The following PCDH15 variants were observed in gnomAD, a reference collection of about 807,000 sequenced individuals.
PCDH15 encodes the protein protocadherin-15.
PCDH15 carries 129 observed loss-of-function variants against 178.5 expected under a neutral mutation model. That is an observed-to-expected ratio of 0.72 (90% CI 0.63 to 0.84). PCDH15 has a LOEUF of 0.84. Ranked by LOEUF, PCDH15 falls within the 40% of genes least tolerant of loss-of-function variation. The pLI, the probability that PCDH15 is intolerant of heterozygous loss-of-function variation, is 0.00. For synonymous variants in PCDH15, 800 were observed against 732.0 expected (o/e 1.09, Z -1.50); for missense variants, 2,230 against 2,099.9 (o/e 1.06, Z -1.21).
chr10:54,815,850 C>T (rs1952940780), intron 3 of PCDH15, among the ~76,000 whole-genome samples: 1 of 152,038 alleles, frequency 6.6e-6, no homozygotes, highest in Non-Finnish European at 1.5e-5. Context: ...TGTATTTTTT[C>T]TCCCTTATTA....
chr10:54,717,235 G>A (rs1048464186), intron 1 of PCDH15, among the ~76,000 whole-genome samples: 2 of 122,262 alleles, frequency 1.6e-5, no homozygotes, highest in African/African-American at 6.5e-5. Flanking sequence ...AAAAGCAATG[G>A]CAACAAAAGA....
At chr10:54,065,996 TG>T (rs1405397726) in intron 18 of PCDH15, among the ~76,000 whole-genome samples, 1 of 152,182 alleles carries the variant, frequency 6.6e-6, no homozygotes, top group Non-Finnish European at 1.5e-5. Context: ...AGTAGGACCC[TG>T]AACTCTGGGT....
intron 9 of PCDH15, among the ~76,000 whole-genome samples, chr10:54,219,725 TA>T (rs1161540297): frequency 2.7e-5 from 4 of 150,150 alleles, no homozygotes; most frequent in Non-Finnish European, 4.4e-5. Context: ...GAAAAGAAAC[TA>T]AAAAACAAAA....
At chr10:55,619,942 A>T (rs569777416) in intron 2 of PCDH15, among the ~76,000 whole-genome samples, 1 of 152,208 alleles carries the variant, frequency 6.6e-6, no homozygotes, top group East Asian at 1.9e-4. Flanking sequence ...CTAAGACTTA[A>T]TTCCCAAACC....
chr10:54,986,766 C>T (rs1299247406), intron 2 of PCDH15, among the ~76,000 whole-genome samples: 1 of 152,072 alleles, frequency 6.6e-6, no homozygotes, highest in Non-Finnish European at 1.5e-5. Context: ...CTGTGTAATG[C>T]ATCATATTTT....
chr10:53,924,465 C>G (rs150410601), intron 25 of PCDH15, among the ~76,000 whole-genome samples: 2 of 152,184 alleles, frequency 1.3e-5, no homozygotes, highest in Non-Finnish European at 1.5e-5. Flanking sequence ...AGTGTCCCCC[C>G]GCCGTGGGCT....
At chr10:54,871,350 C>T (rs1954036730) in intron 3 of PCDH15, among the ~76,000 whole-genome samples, 1 of 149,716 alleles carries the variant, frequency 6.7e-6, no homozygotes, top group African/African-American at 2.5e-5. Flanking sequence ...ATGAGGTTCT[C>T]ATATATTATG....
chr10:54,979,994 T>C (rs928934077), intron 2 of PCDH15, among the ~76,000 whole-genome samples: 10 of 152,188 alleles, frequency 6.6e-5, no homozygotes, highest in African/African-American at 2.4e-4. Flanking sequence ...TTTTGTAGTA[T>C]ATTTAACATT....
At chr10:54,882,986 G>C (rs544600743) in intron 3 of PCDH15, among the ~76,000 whole-genome samples, 39 of 152,044 alleles carry the variant, frequency 2.6e-4, no homozygotes, top group South Asian at 6.2e-4. Flanking sequence ...TTGTAATCTA[G>C]CTCAATTAGA....
chr10:53,855,384 TA>T (rs2078655505), intron 28 of PCDH15, among the ~76,000 whole-genome samples: 1 of 152,072 alleles, frequency 6.6e-6, no homozygotes, highest in Admixed American at 6.6e-5. Context: ...AATCAGCTAT[TA>T]TTTTGAAAAG....
chr10:54,975,442 T>C (rs1037726303), intron 2 of PCDH15, among the ~76,000 whole-genome samples: 3 of 152,172 alleles, frequency 2.0e-5, no homozygotes, highest in Admixed American at 1.3e-4. Context: ...CATATTGTTG[T>C]TAGTGTTTTG....
intron 9 of PCDH15, among the ~76,000 whole-genome samples, chr10:54,222,224 A>G (rs1054770051): frequency 1.3e-5 from 2 of 152,188 alleles, no homozygotes; most frequent in Non-Finnish European, 2.9e-5. Flanking sequence ...TTTTATTAAG[A>G]ATTTTTGGGC....
chr10:54,999,611 C>A (rs1445979162), intron 2 of PCDH15, among the ~76,000 whole-genome samples: 1 of 152,122 alleles, frequency 6.6e-6, no homozygotes, highest in Non-Finnish European at 1.5e-5. Flanking sequence ...GTGCTGCGTG[C>A]TTCAGAGATG....
intron 3 of PCDH15, among the ~76,000 whole-genome samples, chr10:54,513,913 G>T (rs1041283426): frequency 6.6e-6 from 1 of 152,176 alleles, no homozygotes; most frequent in African/African-American, 2.4e-5. Flanking sequence ...TCTCTATTCT[G>T]AGATAAAAGG....
intron 16 of PCDH15, among the ~76,000 whole-genome samples, chr10:54,085,803 A>AT (rs1242310286): frequency 2.6e-5 from 4 of 152,150 alleles, no homozygotes; most frequent in Non-Finnish European, 5.9e-5. Context: ...ATTACTACTA[A>AT]TTTTTTAAAA....
intron 1 of PCDH15, among the ~76,000 whole-genome samples, chr10:55,310,836 G>A (rs1209380319): frequency 6.6e-6 from 1 of 151,952 alleles, no homozygotes; most frequent in Non-Finnish European, 1.5e-5. Context: ...AGAACACATG[G>A]ACACAGGGAA....
At chr10:53,966,324 T>C (rs962103194) in intron 21 of PCDH15, among the ~76,000 whole-genome samples, 2 of 152,182 alleles carry the variant, frequency 1.3e-5, no homozygotes, top group African/African-American at 4.8e-5. Context: ...CTATACTAAA[T>C]AACTAAAATG....
At chr10:55,031,725 T>G (rs904016137) in intron 2 of PCDH15, among the ~76,000 whole-genome samples, 4 of 152,196 alleles carry the variant, frequency 2.6e-5, no homozygotes, top group Non-Finnish European at 4.4e-5. Flanking sequence ...GCAGTTTGTC[T>G]TTTTTGCCAT....
intron 3 of PCDH15, among the ~76,000 whole-genome samples, chr10:54,861,239 A>C (rs1953837366): frequency 6.6e-6 from 1 of 152,148 alleles, no homozygotes; most frequent in Non-Finnish European, 1.5e-5. Flanking sequence ...AGATTAACCA[A>C]GAAAAAAAGA....
Sources: gnomAD v4.1 joint callset for allele counts (sites outside exome capture counted in the v4.1 genomes callset) on GRCh38, gnomAD v4.1.1 for gene constraint, MANE v1.5 for transcripts, NCBI Gene and HGNC (gene_info 2026-07-23, HGNC 2026-07-21) for gene names.